The following PEX6 variants were observed in gnomAD, a reference collection of about 807,000 sequenced individuals.
PEX6 encodes the protein peroxisomal biogenesis factor 6, also known as peroxisome biogenesis factor 6.
PEX6 carries 55 observed loss-of-function variants against 85.6 expected under a neutral mutation model. The observed-to-expected ratio is 0.64, with a 90% CI of 0.52 to 0.80. The LOEUF is 0.80. PEX6 is among the 30% of genes least tolerant of loss of function. PEX6 has a pLI of 0.00. For synonymous variants in PEX6, 519 were observed against 549.1 expected (o/e 0.95, Z 0.77); for missense variants, 1,099 against 1,260.3 (o/e 0.87, Z 1.94).
chr6:42,979,095 A>G lies in PEX6; in HGVS notation c.56T>C (p.Leu19Ser). 6.4e-7 allele frequency: 1 copy of G among 1,556,958 alleles called. No homozygotes were observed. The highest frequency in any genetic ancestry group is 8.6e-7 in the Non-Finnish European group (1 of 1,159,930). ...GCCCCCGGGTGGCAGCAGCACTGCC[A>G]ACGGGGGTGTCTCGGTCGGAAAGGG... ...LEPFPTETPP[L>S]AVLLPPGGPW... Residue 19 changes from leucine to serine, a missense_variant, in exon 1 of 17, where the codon TTG becomes TCG. Transcript: ENST00000304611.
rs199705109 is a variant in PEX6 at position 42,965,827 on chromosome 6, G to A, written c.2363-38C>T. On this transcript the variant is annotated intron_variant, in intron 12 of 16. Coordinates refer to ENST00000304611, the MANE Select transcript of PEX6 (RefSeq NM_000287.4). The surrounding 1 kb of genome is among the most constrained non-coding windows in gnomAD (Gnocchi z 5.0). ...AGGGGCCCACAGGAGGGCAAAGCTC[G>A]GCTTGTGGGGGGTTGAAGTTAGGTG... 1.8e-5 allele frequency: 28 copies of A among 1,561,172 alleles called. No homozygotes were observed. The highest frequency in any genetic ancestry group is 1.5e-4 in the African/African-American group (11 of 73,916).
chr6:42,974,741 G>A (rs1356510429), intron 2 of PEX6, 134 bp downstream of exon 2: 84 of 819,988 alleles, frequency 1.0e-4, no homozygotes, highest in South Asian at 7.9e-4. Context: ...GATTACAGAC[G>A]TGAGCCACAG....
chr6:42,975,881 A>G (rs895884197), intron 1 of PEX6, among the ~76,000 whole-genome samples: 3 of 146,696 alleles, frequency 2.0e-5, no homozygotes, highest in African/African-American at 5.1e-5. Flanking sequence ...ATGCCTGGCT[A>G]ATTTTTGTGG....
rs986161281 is a variant in PEX6, at chr6:42,968,361, A to G, written c.1617T>C (p.Asp539=). 6.2e-7 allele frequency: 1 copy of G among 1,614,192 alleles called. No individual in the cohort carries two copies. The highest frequency in any genetic ancestry group is 8.5e-7 in the Non-Finnish European group (1 of 1,180,044). ...TAVDLLGRDR[D]GLGEDARVMA... ...TCACACGGGCATCCTCACCCAGCCC[A>G]TCACGGTCCCGGCCCAGAAGGTCCA... The change falls in exon 7 of 17, where the codon GAT becomes GAC. Residue 539 remains aspartate (D), a synonymous_variant. Transcript: ENST00000304611.
chr6:42,965,465 C>T lies in PEX6; in HGVS notation c.2472-97G>A, dbSNP rs2114237959. The stretch of plus-strand genomic sequence containing the variant: ...TCTTTACAGGCAGTCTCAACAGGGC[C>T]CTCCACTCAGCTGTGCCCAATGTGC... On this transcript the variant is annotated intron_variant, in intron 13 of 16. Coordinates refer to ENST00000304611, the MANE Select transcript of PEX6 (RefSeq NM_000287.4). The surrounding 1 kb of genome is among the most constrained non-coding windows in gnomAD (Gnocchi z 5.0). The T allele has an allele frequency of 2.9e-6, 3 of 1,020,102 alleles. No homozygotes were observed. Among genetic ancestry groups the T allele is most frequent in the Non-Finnish European group, 3.1e-6 (2 of 642,672 alleles). The allele number at this position is 1,020,102 out of a possible 1,614,324, so 63.2% of individuals were successfully genotyped here.
chr6:42,972,386 A>G lies in PEX6; in HGVS notation c.1130+1617T>C, dbSNP rs1445287327. Among the ~76,000 whole-genome samples the G allele has an allele frequency of 2.6e-5, 4 of 152,292 alleles. No individual in the cohort carries two copies. The South Asian group carries it at 8.3e-4, about 32-fold the overall frequency. On this transcript the variant is annotated intron_variant, in intron 3 of 16. Coordinates refer to ENST00000304611, the MANE Select transcript of PEX6 (RefSeq NM_000287.4). ...CTGTGGTCAGAGTCAACAAGAGGAG[A>G]AAAGCTGGATTCCTTATTTTGGGTT...
In PEX6 at chr6:42,964,511, G is replaced by T; in HGVS notation, c.2807-40C>A. ...GTGGGGAGGCTGTGGTCTATGCCCA[G>T]GCAGGGGAGAGCCCTGCGAAGGTGG... On this transcript the variant is annotated intron_variant, in intron 16 of 16. Coordinates refer to ENST00000304611, the MANE Select transcript of PEX6 (RefSeq NM_000287.4). The surrounding 1 kb of genome is among the most constrained non-coding windows in gnomAD (Gnocchi z 4.6). 6.2e-7 allele frequency: 1 copy of T among 1,611,428 alleles called. No individual in the cohort carries two copies. Among genetic ancestry groups the T allele is most frequent in the Non-Finnish European group, 8.5e-7 (1 of 1,179,336 alleles).
At chr6:42,972,414 T>G (rs1770090417) in intron 3 of PEX6, among the ~76,000 whole-genome samples, 1 of 152,218 alleles carries the variant, frequency 6.6e-6, no homozygotes, top group Non-Finnish European at 1.5e-5. Context: ...TTTGGGTTCT[T>G]GGCTCGGTTA....
chr6:42,974,642 T>C (rs1281879325), intron 2 of PEX6, among the ~76,000 whole-genome samples: 1 of 151,604 alleles, frequency 6.6e-6, no homozygotes, highest in Non-Finnish European at 1.5e-5. Context: ...TTTGTATTTT[T>C]AGTAGAGACG....
intron 3 of PEX6, among the ~76,000 whole-genome samples, chr6:42,972,129 A>G (rs777836570): frequency 6.6e-6 from 1 of 152,136 alleles, no homozygotes; most frequent in African/African-American, 2.4e-5. Context: ...CCAAACAAGG[A>G]CTGTCTCTCC....
Position 42,969,732 on chromosome 6 carries a change from G to T in PEX6, c.1303C>A (p.Pro435Thr), listed in dbSNP as rs115186444. Residue 435 changes from proline (P) to threonine (T), a missense_variant, in exon 5 of 17, where the codon CCT becomes ACT. By Grantham distance (38) the Pro-to-Thr change is conservative. Coordinates refer to ENST00000304611, the MANE Select transcript of PEX6 (RefSeq NM_000287.4). ...GACACCAAGGCCTCCAGGCCTGGAG[G>T]AGACAAACTGCTCCAGAGAGTGGAT... is the stretch of plus-strand genomic sequence containing the variant. ...EESTLWSSLS[P>T]PGLEALVSEL... 80 of 1,613,692 alleles carry T rather than the reference G, an allele frequency of 5.0e-5. No homozygotes were observed. The African/African-American group carries it at 7.5e-4, about 15-fold the overall frequency.
At position 42,964,714 on chromosome 6, in the gene PEX6, C is replaced by T; in HGVS notation, c.2806+76G>A. On this transcript the variant is annotated intron_variant, in intron 16 of 16. Transcript: ENST00000304611. This position sits in a 1 kb window ranked among gnomAD's most constrained non-coding sequence, Gnocchi z 4.6. ...AAGCGATCCTCCCACCTCAGCCTCT[C>T]AAGTAGCTGGGACTCAGGTGCACCC... The T allele has an allele frequency of 1.3e-6, 2 of 1,585,532 alleles. No individual in the cohort carries two copies. Among genetic ancestry groups the T allele is most frequent in the East Asian group, 4.5e-5 (2 of 44,580 alleles).
At position 42,964,254 on chromosome 6, in the gene PEX6, G is replaced by A; in HGVS notation, c.*81C>T. ...TGGGTTGGCAGCAGCCTGAGGAGGA[G>A]CCCTTCCTTCCCAGATCTCTCTGTG... On this transcript the variant is annotated 3_prime_UTR_variant, in exon 17 of 17. Coordinates refer to ENST00000304611, the MANE Select transcript of PEX6 (RefSeq NM_000287.4). The surrounding 1 kb of genome is among the most constrained non-coding windows in gnomAD (Gnocchi z 4.6). 4 of 1,553,158 alleles carry A rather than the reference G, an allele frequency of 2.6e-6. No homozygotes were observed. Among genetic ancestry groups the A allele is most frequent in the Non-Finnish European group, 3.5e-6 (4 of 1,128,486 alleles).
chr6:42,968,229 T>A (rs1014874199), intron 7 of PEX6, 61 bp downstream of exon 7: 5 of 1,411,282 alleles, frequency 3.5e-6, no homozygotes, highest in Non-Finnish European at 4.0e-6. Context: ...GGATTATAAG[T>A]GTGAGCCACC....
At chr6:42,970,263 C>A (rs1330485686) in intron 3 of PEX6, among the ~76,000 whole-genome samples, 1 of 152,238 alleles carries the variant, frequency 6.6e-6, no homozygotes, top group East Asian at 1.9e-4. Flanking sequence ...TACCCACCCA[C>A]ACCAATGGGA....
In PEX6 at chr6:42,977,251, C is replaced by CCTTTTTTTTTTTTTTTTTT. The variant is rs34536442; in HGVS notation, c.882+1017_882+1018insAAAAAAAAAAAAAAAAAAG. Among the ~76,000 whole-genome samples the CCTTTTTTTTTTTTTTTTTT allele has an allele frequency of 1.6e-5, 2 of 126,678 alleles. 1 individual carries two copies. The highest frequency in any genetic ancestry group is 6.4e-5 in the African/African-American group (2 of 31,184). 83.1% of individuals were successfully genotyped at this position (126,678 alleles called of 152,430 possible). A position where few individuals can be genotyped will look rare whatever the true frequency, so the allele number is the denominator to read the frequency against. On this transcript the variant is annotated intron_variant, in intron 1 of 16. Transcript: ENST00000304611. The stretch of plus-strand genomic sequence containing the variant: ...ATTAACATACACATCTGAAACCTCA[C>CCTTTTTTTTTTTTTTTTTT]TTTTTTTTTTTTTTTTTTTTACACA...
chr6:42,967,939 C>A (rs532187629), intron 7 of PEX6, among the ~76,000 whole-genome samples: 5 of 140,918 alleles, frequency 3.5e-5, no homozygotes, highest in African/African-American at 1.0e-4. Flanking sequence ...CTGGCCCCCC[C>A]GCTCCCCCTT....
chr6:42,970,053 G>A lies in PEX6; in HGVS notation c.1131-66C>T, dbSNP rs140028469. The A allele has an allele frequency of 5.8e-5, 74 of 1,282,914 alleles. 1 individual carries two copies. The East Asian group carries it at 1.6e-3, about 28-fold the overall frequency. The allele number at this position is 1,282,914 out of a possible 1,614,324, so 79.5% of individuals were successfully genotyped here. ...AAAAACCCCCCTCCTCAAGGACAAGGTTTCTCAATCACAGAGGACAAACAA... is the reference window on the plus strand; with the variant it reads ...AAAAACCCCCCTCCTCAAGGACAAGATTTCTCAATCACAGAGGACAAACAA... On this transcript the variant is annotated intron_variant, in intron 3 of 16. Transcript: ENST00000304611.
At chr6:42,966,207 A>C in intron 11 of PEX6, 35 bp downstream of exon 11, 1 of 1,610,748 alleles carries the variant, frequency 6.2e-7, no homozygotes. Context: ...GCAGCCCCTG[A>C]TCCACCCACC....
Sources: gnomAD v4.1 joint callset for allele counts (sites outside exome capture counted in the v4.1 genomes callset) on GRCh38, gnomAD v4.1.1 for gene constraint, Gnocchi (gnomAD v3.1) non-coding constraint, MANE v1.5 for transcripts, NCBI Gene and HGNC (gene_info 2026-07-23, HGNC 2026-07-21) for gene names.